The following MINDY4 variants were observed in gnomAD, a reference collection of about 807,000 sequenced individuals.
The protein encoded by MINDY4 is probable ubiquitin carboxyl-terminal hydrolase MINDY-4.
In MINDY4, 68 loss-of-function variants were observed where a neutral mutation model predicts 87.0. That is an observed-to-expected ratio of 0.78 (90% CI 0.64 to 0.96). The LOEUF is 0.96. Ranked by LOEUF, MINDY4 falls within the 40% of genes least tolerant of loss-of-function variation. The pLI, the probability that MINDY4 is intolerant of heterozygous loss-of-function variation, is 0.00. For synonymous variants in MINDY4, 379 were observed against 363.2 expected (o/e 1.04, Z -0.50); for missense variants, 919 against 928.2 (o/e 0.99, Z 0.13).
At position 30,869,821 on chromosome 7, in the gene MINDY4, C is replaced by T. The variant is rs550005070; in HGVS notation, c.1746-2422C>T. On this transcript the variant is annotated intron_variant, in intron 13 of 17. Transcript: ENST00000265299. ...TCTCATCTTCTCCAGGCCCCTCGTG[C>T]TGCAGGAGGGGAGACCGAGGCCACA... is the stretch of plus-strand genomic sequence containing the variant. Among the ~76,000 whole-genome samples, 19 of 152,234 alleles carry T rather than the reference C, an allele frequency of 1.2e-4. No homozygotes were observed. In the South Asian group the frequency reaches 3.1e-3, roughly 25 times the overall value.
intron 5 of MINDY4, among the ~76,000 whole-genome samples, chr7:30,823,144 A>G (rs1788392702): frequency 6.6e-6 from 1 of 151,802 alleles, no homozygotes. Context: ...AGTTTGTTTT[A>G]TTTTGATGAT....
In MINDY4 at chr7:30,890,166, G is replaced by A. The variant is rs1296615221; in HGVS notation, c.2226-1791G>A. ...CAAACAGTGTAACATTCCTGGCTGA[G>A]CGTGTTTTCCAGCATCCACCTGTTT... is the stretch of plus-strand genomic sequence containing the variant. On this transcript the variant is annotated intron_variant, in intron 17 of 17. Coordinates refer to ENST00000265299, the MANE Select transcript of MINDY4 (RefSeq NM_032222.3). Among the ~76,000 whole-genome samples the A allele has an allele frequency of 4.6e-5, 7 of 152,234 alleles. No homozygotes were observed. The East Asian group carries it at 1.2e-3, about 25-fold the overall frequency.
At chr7:30,885,100 T>A (rs1467357488) in intron 17 of MINDY4, among the ~76,000 whole-genome samples, 1 of 152,240 alleles carries the variant, frequency 6.6e-6, no homozygotes, top group Admixed American at 6.5e-5. Flanking sequence ...TGAGCAGTCA[T>A]GCATGGAAAA....
At chr7:30,790,203 GGGCT>G (rs1296345604) in intron 4 of MINDY4, among the ~76,000 whole-genome samples, 1 of 152,066 alleles carries the variant, frequency 6.6e-6, no homozygotes, top group Non-Finnish European at 1.5e-5. Context: ...CAAAACCTTT[GGGCT>G]GGATGTCTTT....
chr7:30,855,468 C>T (rs964642750), intron 12 of MINDY4, among the ~76,000 whole-genome samples: 3 of 152,186 alleles, frequency 2.0e-5, no homozygotes, highest in Non-Finnish European at 1.5e-5. Context: ...TGGTCACACT[C>T]CCAGCTGAAG....
intron 5 of MINDY4, among the ~76,000 whole-genome samples, chr7:30,828,318 T>TTGTGTGTGTG (rs60396175): frequency 1.1e-4 from 17 of 147,994 alleles, no homozygotes; most frequent in Middle Eastern, 3.5e-3. Flanking sequence ...AGAACTCGAT[T>TTGTGTGTGTG]TGTGTGTGTG....
intron 5 of MINDY4, among the ~76,000 whole-genome samples, chr7:30,793,992 G>A (rs960652665): frequency 1.3e-5 from 2 of 152,068 alleles, no homozygotes; most frequent in Non-Finnish European, 2.9e-5. Context: ...AGAATCCAAG[G>A]AACCTGACAA....
intron 10 of MINDY4, 82 bp downstream of exon 10, chr7:30,850,637 C>A: frequency 1.6e-6 from 2 of 1,277,198 alleles, no homozygotes; most frequent in South Asian, 2.6e-5. Context: ...TGCTCCTATC[C>A]TTGGGTCCTT....
chr7:30,787,445 T>G (rs1265267807), intron 4 of MINDY4, among the ~76,000 whole-genome samples: 1 of 152,262 alleles, frequency 6.6e-6, no homozygotes, highest in Non-Finnish European at 1.5e-5. Flanking sequence ...TCTTCGAATA[T>G]GGAGGTTGGA....
Position 30,875,624 on chromosome 7 carries a change from T to G in MINDY4, c.1939T>G (p.Leu647Val), listed in dbSNP as rs775497563. ...GIAARSDIGF[L>V]SLFEHYNMCQ... ...TGCTGCACGCAGTGATATTGGCTTC[T>G]TATCTCTCTTTGAGCATTACAACAT... The change falls in exon 15 of 18, where the codon TTA becomes GTA. Residue 647 changes from leucine (L) to valine (V), a missense_variant. Coordinates refer to ENST00000265299, the MANE Select transcript of MINDY4 (RefSeq NM_032222.3). The G allele has an allele frequency of 1.2e-6, 2 of 1,613,788 alleles. No individual in the cohort carries two copies. Among genetic ancestry groups the G allele is most frequent in the Admixed American group, 3.3e-5 (2 of 60,004 alleles).
intron 15 of MINDY4, among the ~76,000 whole-genome samples, chr7:30,878,123 G>C (rs949810999): frequency 6.6e-6 from 1 of 152,028 alleles, no homozygotes; most frequent in South Asian, 2.1e-4. Flanking sequence ...CAGGGCCCTT[G>C]CTCTGGCCTG....
At chr7:30,836,906 G>T in intron 7 of MINDY4, 142 bp downstream of exon 7, 1 of 651,700 alleles carries the variant, frequency 1.5e-6, no homozygotes, top group Non-Finnish European at 2.7e-6. Context: ...TGATGTAGAA[G>T]AAAATGTGAA....
intron 1 of MINDY4, among the ~76,000 whole-genome samples, chr7:30,778,150 C>T (rs1334886615): frequency 3.3e-5 from 5 of 152,062 alleles, no homozygotes; most frequent in Non-Finnish European, 7.3e-5. Context: ...TTTAAAGCTT[C>T]ATATACTATG....
chr7:30,859,445 G>A, intron 13 of MINDY4, 121 bp downstream of exon 13: 1 of 955,516 alleles, frequency 1.0e-6, no homozygotes, highest in Non-Finnish European at 1.6e-6. Flanking sequence ...ATTGTGGAAA[G>A]GATGAATGAA....
At chr7:30,812,066 C>G (rs975592152) in intron 5 of MINDY4, among the ~76,000 whole-genome samples, 1 of 152,014 alleles carries the variant, frequency 6.6e-6, no homozygotes, top group Admixed American at 6.6e-5. Context: ...GCACGTGTAC[C>G]AGATGCAAGG....
At chr7:30,804,391 A>G (rs1365988115) in intron 5 of MINDY4, among the ~76,000 whole-genome samples, 4 of 152,222 alleles carry the variant, frequency 2.6e-5, no homozygotes, top group East Asian at 1.9e-4. Flanking sequence ...TTTGATCTCA[A>G]TCTAAATACA....
chr7:30,860,047 A>G (rs1196459525), intron 13 of MINDY4, among the ~76,000 whole-genome samples: 9 of 152,174 alleles, frequency 5.9e-5, no homozygotes, highest in Admixed American at 5.9e-4. Context: ...AGTACAGTCA[A>G]TTGCCCCATT....
At chr7:30,886,255 C>T (rs975187023) in intron 17 of MINDY4, among the ~76,000 whole-genome samples, 1 of 152,174 alleles carries the variant, frequency 6.6e-6, no homozygotes, top group Non-Finnish European at 1.5e-5. Context: ...CAGGTCAACC[C>T]TCATAGAACC....
In MINDY4 at chr7:30,801,895, CTG is replaced by C. The variant is rs1416238628; in HGVS notation, c.1073+10324_1073+10325del. On this transcript the variant is annotated intron_variant, in intron 5 of 17. Coordinates refer to ENST00000265299, the MANE Select transcript of MINDY4 (RefSeq NM_032222.3). ...AGATGAGTGATCTTGTATTGTCCAT[CTG>C]TGGACATCAGCATGGCAGCTCTGAG... Among the ~76,000 whole-genome samples the C allele has an allele frequency of 2.6e-5, 4 of 152,184 alleles. 1 individual carries two copies. Among genetic ancestry groups the C allele is most frequent in the African/African-American group, 9.6e-5 (4 of 41,452 alleles).
Sources: gnomAD v4.1 joint callset for allele counts (sites outside exome capture counted in the v4.1 genomes callset) on GRCh38, gnomAD v4.1.1 for gene constraint, MANE v1.5 for transcripts, NCBI Gene and HGNC (gene_info 2026-07-23, HGNC 2026-07-21) for gene names.